The following LRRC4C variants were observed in gnomAD, a reference collection of about 807,000 sequenced individuals.
LRRC4C encodes the protein leucine rich repeat containing 4C.
In LRRC4C, 5 loss-of-function variants were observed where a neutral mutation model predicts 33.6. That is an observed-to-expected ratio of 0.15 (90% CI 0.08 to 0.31). The LOEUF is 0.31. Among genes scored for constraint, LRRC4C ranks in the 10% least tolerant of loss-of-function variants. The pLI is 1.00. For missense variants in LRRC4C, 560 were observed against 796.7 expected (o/e 0.70, Z 3.58); for synonymous variants, 329 against 302.0 (o/e 1.09, Z -0.93).
At chr11:40,566,493 G>T (rs907137107) in intron 3 of LRRC4C, among the ~76,000 whole-genome samples, 1 of 151,970 alleles carries the variant, frequency 6.6e-6, no homozygotes, top group Admixed American at 6.6e-5. Flanking sequence ...TTATAGAATA[G>T]TTACTAGAAG....
chr11:41,407,100 A>G (rs1355222779), intron 1 of LRRC4C, among the ~76,000 whole-genome samples: 1 of 152,134 alleles, frequency 6.6e-6, no homozygotes, highest in East Asian at 1.9e-4. Context: ...ATATATGTGA[A>G]TGGGTCTCTG....
rs79996103 is a variant in LRRC4C, at chr11:40,126,789, C to T, written c.-42-10455G>A. On this transcript the variant is annotated intron_variant, in intron 6 of 6. Transcript: ENST00000528697. ...CAGCCTGACCAACATGGAGGAACCC[C>T]ATCTCTACTAAAAATACAAAATTAA... Among the ~76,000 whole-genome samples, 800 of 151,858 alleles carry T rather than the reference C, an allele frequency of 5.3e-3. 32 individuals are homozygous for T. The East Asian group carries it at 0.11, about 20-fold the overall frequency.
intron 1 of LRRC4C, among the ~76,000 whole-genome samples, chr11:41,065,708 G>A (rs573133923): frequency 4.6e-5 from 7 of 152,276 alleles, no homozygotes; most frequent in South Asian, 2.1e-4. Flanking sequence ...TGAAGCTTCC[G>A]GAGGAAAGAG....
At chr11:40,640,872 C>T (rs920830583) in intron 3 of LRRC4C, among the ~76,000 whole-genome samples, 5 of 151,794 alleles carry the variant, frequency 3.3e-5, no homozygotes, top group Non-Finnish European at 7.4e-5. Flanking sequence ...AAAAATCAGC[C>T]GGGCGTGGTG....
At chr11:40,510,054 CCA>C (rs776940473) in intron 3 of LRRC4C, among the ~76,000 whole-genome samples, 28 of 152,148 alleles carry the variant, frequency 1.8e-4, no homozygotes, top group Admixed American at 3.9e-4. Flanking sequence ...CTTTTCCACT[CCA>C]GTTATGCACT....
At chr11:40,430,823 C>T (rs1452581145) in intron 3 of LRRC4C, among the ~76,000 whole-genome samples, 1 of 151,050 alleles carries the variant, frequency 6.6e-6, no homozygotes. Context: ...TGGAAATCAT[C>T]ATTCTCAGTA....
chr11:40,713,369 A>C (rs1452368693), intron 2 of LRRC4C, among the ~76,000 whole-genome samples: 3 of 152,166 alleles, frequency 2.0e-5, no homozygotes, highest in East Asian at 3.9e-4. Flanking sequence ...ATGTATTCCT[A>C]ATACTTCTAT....
intron 3 of LRRC4C, among the ~76,000 whole-genome samples, chr11:40,425,115 C>T (rs1046015091): frequency 1.5e-5 from 2 of 135,286 alleles, no homozygotes; most frequent in Non-Finnish European, 3.2e-5. Flanking sequence ...AATGAAGTCT[C>T]ATCTTTGTGG....
At chr11:40,317,366 C>T (rs918668211) in intron 4 of LRRC4C, among the ~76,000 whole-genome samples, 7 of 151,870 alleles carry the variant, frequency 4.6e-5, no homozygotes, top group African/African-American at 1.7e-4. Flanking sequence ...TTAGGTGTCC[C>T]TTTGCATAAT....
At chr11:41,207,166 CTG>C (rs1440155529) in intron 1 of LRRC4C, among the ~76,000 whole-genome samples, 3 of 152,142 alleles carry the variant, frequency 2.0e-5, no homozygotes, top group Non-Finnish European at 2.9e-5. Flanking sequence ...GGACTTAAGA[CTG>C]TGGTTTTCAA....
At chr11:40,820,663 T>A (rs1037620206) in intron 2 of LRRC4C, among the ~76,000 whole-genome samples, 1 of 151,870 alleles carries the variant, frequency 6.6e-6, no homozygotes, top group South Asian at 2.1e-4. Context: ...TTAAAAATTA[T>A]CAGAAAACTA....
At chr11:40,895,053 C>T (rs535561239) in intron 2 of LRRC4C, among the ~76,000 whole-genome samples, 15 of 151,624 alleles carry the variant, frequency 9.9e-5, no homozygotes, top group Admixed American at 2.6e-4. Flanking sequence ...ATTCTTTGTA[C>T]GGAATGTATT....
intron 1 of LRRC4C, among the ~76,000 whole-genome samples, chr11:41,308,633 G>GA (rs1424222949): frequency 6.6e-6 from 1 of 152,070 alleles, no homozygotes; most frequent in Non-Finnish European, 1.5e-5. Flanking sequence ...TTTTTAAGAT[G>GA]ATTACTTGGT....
intron 1 of LRRC4C, among the ~76,000 whole-genome samples, chr11:40,969,211 T>A (rs1232861108): frequency 6.6e-6 from 1 of 152,092 alleles, no homozygotes; most frequent in Admixed American, 6.6e-5. Context: ...GAATTAGAAG[T>A]GGTGTCTAAA....
chr11:40,659,091 A>G (rs1943282551), intron 2 of LRRC4C, among the ~76,000 whole-genome samples: 1 of 152,156 alleles, frequency 6.6e-6, no homozygotes, highest in African/African-American at 2.4e-5. Flanking sequence ...AAGCCCCTAC[A>G]TCCATAGGCT....
At chr11:40,963,003 A>G (rs548695497) in intron 1 of LRRC4C, among the ~76,000 whole-genome samples, 2 of 151,840 alleles carry the variant, frequency 1.3e-5, no homozygotes, top group South Asian at 4.1e-4. Flanking sequence ...AAGATACAGA[A>G]GTGGTTATGC....
intron 3 of LRRC4C, among the ~76,000 whole-genome samples, chr11:40,326,630 C>T (rs535852937): frequency 6.6e-6 from 1 of 151,370 alleles, no homozygotes; most frequent in South Asian, 2.1e-4. Context: ...GCTTGCAATA[C>T]TTAACCTGTC....
At chr11:40,606,614 A>T (rs1432794491) in intron 3 of LRRC4C, among the ~76,000 whole-genome samples, 1 of 152,154 alleles carries the variant, frequency 6.6e-6, no homozygotes, top group African/African-American at 2.4e-5. Context: ...AATAACCATC[A>T]TAAGGATGCT....
intron 1 of LRRC4C, among the ~76,000 whole-genome samples, chr11:41,049,865 T>A (rs145658886): frequency 0.012 from 1,795 of 152,266 alleles, 39 homozygotes; most frequent in African/African-American, 0.04. Context: ...AAGCAGAGAC[T>A]TTGTCTTGCT....
Sources: allele counts gnomAD v4.1 joint callset (sites outside exome capture counted in the v4.1 genomes callset), GRCh38; gene constraint gnomAD v4.1.1; transcripts MANE v1.5; gene names NCBI Gene and HGNC (gene_info 2026-07-23, HGNC 2026-07-21).